COPB2: variants seen among roughly 807,000 people sequenced by gnomAD.
COPB2 encodes the protein coat protein complex I subunit beta 2, also known as coatomer subunit beta'.
A neutral mutation model predicts 120.8 loss-of-function variants in COPB2; 16 were observed. The observed-to-expected ratio is 0.13, with a 90% CI of 0.09 to 0.20. The LOEUF is 0.20. COPB2 is among the 10% of genes least tolerant of loss of function. The probability of loss-of-function intolerance (pLI) is 1.00; values close to 1 mark genes in which losing one functional copy is unlikely to be tolerated. For synonymous variants in COPB2, 332 were observed against 366.3 expected (o/e 0.91, Z 1.07); for missense variants, 794 against 1,076.5 (o/e 0.74, Z 3.67).
chr3:139,364,437 G>C (rs1406982625), intron 15 of COPB2, among the ~76,000 whole-genome samples: 1 of 152,076 alleles, frequency 6.6e-6, no homozygotes, highest in East Asian at 1.9e-4. Context: ...GAGTATCAAA[G>C]GAAGACAGGA....
chr3:139,381,102 T>C (rs1941803608), intron 2 of COPB2: 1 of 152,240 alleles, frequency 6.6e-6, no homozygotes, highest in African/African-American at 2.4e-5. Flanking sequence ...TATCTAATTT[T>C]ATTTTATCTT....
chr3:139,380,821 G>C (rs1405662066), intron 2 of COPB2: 1 of 152,146 alleles, frequency 6.6e-6, no homozygotes, highest in African/African-American at 2.4e-5. Context: ...CAGAAACTGA[G>C]AGTAGACACA....
intron 15 of COPB2, among the ~76,000 whole-genome samples, chr3:139,366,126 A>T (rs1013592995): frequency 6.6e-6 from 1 of 152,220 alleles, no homozygotes; most frequent in Non-Finnish European, 1.5e-5. Context: ...AGCAAAAAGG[A>T]GGGCTGATTT....
intron 6 of COPB2, 88 bp from the exon 7 acceptor site, chr3:139,374,676 T>C: frequency 2.2e-6 from 2 of 929,284 alleles, no homozygotes; most frequent in Non-Finnish European, 3.2e-6. Context: ...AGATACATTA[T>C]AAATGATAGT....
intron 16 of COPB2, 110 bp from the exon 17 acceptor site, chr3:139,361,405 TTAAG>T: frequency 9.3e-7 from 1 of 1,073,486 alleles, no homozygotes; most frequent in Non-Finnish European, 1.3e-6. Flanking sequence ...GCTGTGTTTG[TTAAG>T]TTGGCTCTAT....
intron 14 of COPB2, 87 bp from the exon 15 acceptor site, chr3:139,366,862 C>T (rs190235869): frequency 4.0e-6 from 6 of 1,502,870 alleles, no homozygotes; most frequent in East Asian, 2.3e-5. Context: ...TGCTCAAAAC[C>T]TTCCCATTTG....
chr3:139,386,279 C>CA lies in COPB2; in HGVS notation c.4-2845dup, dbSNP rs1281823202. ...TACTTTCTTGTTTTTTTTTTTGAGA[C>CA]AGAGTCTTGCTCTGTCGCCCAGACT... On this transcript the variant is annotated intron_variant, in intron 1 of 21. Coordinates refer to ENST00000333188, the MANE Select transcript of COPB2 (RefSeq NM_004766.3). Among the ~76,000 whole-genome samples the CA allele has an allele frequency of 3.2e-3, 485 of 151,084 alleles. 4 individuals carry two copies. The highest frequency in any genetic ancestry group is 0.011 in the African/African-American group (470 of 41,208).
At chr3:139,366,482 A>T in intron 15 of COPB2, 86 bp downstream of exon 15, 1 of 1,250,650 alleles carries the variant, frequency 8.0e-7, no homozygotes, top group Non-Finnish European at 1.1e-6. Context: ...GTTGGCAATT[A>T]AGAAATAAAG....
At position 139,378,064 on chromosome 3, in the gene COPB2, C is replaced by T; in HGVS notation, c.481G>A (p.Ala161Thr). Residue 161 changes from alanine (A) to threonine (T), a missense_variant, in exon 5 of 22, where the codon GCC (alanine) becomes ACC (threonine). Transcript: ENST00000333188. Reference sequence around the variant, plus strand: ...ACCTTGATAGTCCTGTCCAAAGAGGCACTGGCAAACTGATTGTTATCTTTG... The same window carrying T: ...ACCTTGATAGTCCTGTCCAAAGAGGTACTGGCAAACTGATTGTTATCTTTG... ...NPKDNNQFAS[A>T]SLDRTIKVWQ... The T allele has an allele frequency of 6.4e-7, 1 of 1,571,006 alleles. No homozygotes were observed. Among genetic ancestry groups the T allele is most frequent in the Non-Finnish European group, 8.7e-7 (1 of 1,149,168 alleles).
In COPB2 at chr3:139,367,030, A is replaced by G. The variant is rs1315089654; in HGVS notation, c.1661T>C (p.Ile554Thr). The change falls in exon 14 of 22, where the codon ATT (isoleucine) becomes ACT (threonine). Residue 554 changes from isoleucine to threonine, a missense_variant. Around this residue, in one of 3 missense-constraint regions of COPB2, gnomAD observed 610 missense variants for 866.7 expected, o/e 0.70. Coordinates refer to ENST00000333188, the MANE Select transcript of COPB2 (RefSeq NM_004766.3). Reference protein sequence around the residue: ...NYYVGGEIVTIAHLDRTMYLL... With the variant: ...NYYVGGEIVTTAHLDRTMYLL... Reference sequence around the variant, plus strand: ...ACTCAGGTACCTGTCCAAGTGGGCAATGGTGACTATTTCTCCTCCAACATA... The same window carrying G: ...ACTCAGGTACCTGTCCAAGTGGGCAGTGGTGACTATTTCTCCTCCAACATA... 3.1e-6 allele frequency: 5 copies of G among 1,612,540 alleles called. No homozygotes were observed. Among genetic ancestry groups the G allele is most frequent in the Admixed American group, 1.7e-5 (1 of 59,686 alleles).
intron 15 of COPB2, among the ~76,000 whole-genome samples, chr3:139,364,409 C>T (rs754969209): frequency 6.6e-6 from 1 of 152,008 alleles, no homozygotes; most frequent in Non-Finnish European, 1.5e-5. Flanking sequence ...TCCAAGCACA[C>T]TTGGAGGAAA....
At chr3:139,360,907 G>A (rs1941407114) in intron 17 of COPB2, among the ~76,000 whole-genome samples, 174 bp downstream of exon 17, 2 of 152,108 alleles carry the variant, frequency 1.3e-5, no homozygotes, top group Admixed American at 1.3e-4. Context: ...ATGTGCTAAG[G>A]GCATCCCTTG....
At chr3:139,388,028 C>T (rs572452343) in intron 1 of COPB2, among the ~76,000 whole-genome samples, 1 of 152,132 alleles carries the variant, frequency 6.6e-6, no homozygotes, top group South Asian at 2.1e-4. Context: ...TTTGTATTTT[C>T]CACAAAGGAT....
In COPB2 at chr3:139,361,073, A is replaced by G. The variant is rs765753032; in HGVS notation, c.2210+8T>C. Reference sequence around the variant, plus strand: ...TAGAATTAATTAATCTTTTAAATTAATACTCACTTGCCCTGTAAAAAGTAG... The same window carrying G: ...TAGAATTAATTAATCTTTTAAATTAGTACTCACTTGCCCTGTAAAAAGTAG... On this transcript the variant is annotated splice_region_variant and intron_variant, in intron 17 of 21. Transcript: ENST00000333188. 1 of 1,613,606 alleles carries G rather than the reference A, an allele frequency of 6.2e-7. No individual in the cohort carries two copies. Among genetic ancestry groups the G allele is most frequent in the South Asian group, 1.1e-5 (1 of 91,032 alleles).
At chr3:139,366,063 T>C (rs1249694189) in intron 15 of COPB2, among the ~76,000 whole-genome samples, 2 of 152,142 alleles carry the variant, frequency 1.3e-5, no homozygotes, top group Non-Finnish European at 2.9e-5. Flanking sequence ...TTTAGAGATA[T>C]GGAAATAAAT....
chr3:139,371,469 T>A (rs532875958), intron 10 of COPB2, among the ~76,000 whole-genome samples: 59 of 152,184 alleles, frequency 3.9e-4, no homozygotes, highest in Admixed American at 6.5e-4. Context: ...ATCAAAGAAA[T>A]GGGTGCTGGG....
intron 13 of COPB2, among the ~76,000 whole-genome samples, chr3:139,367,914 G>A (rs1410759566): frequency 6.6e-6 from 1 of 152,136 alleles, no homozygotes; most frequent in East Asian, 1.9e-4. Flanking sequence ...AGATATCAAA[G>A]TAAGTCTAAA....
Position 139,369,263 on chromosome 3 carries a change from G to T in COPB2, c.1399C>A (p.His467Asn), listed in dbSNP as rs765470122. 1.2e-6 allele frequency: 2 copies of T among 1,604,870 alleles called. No individual in the cohort carries two copies. ...LIRRIEIQPKHIFWSDSGELV... is the reference protein window; with the variant it reads ...LIRRIEIQPKNIFWSDSGELV... ...ACAACAATGGAGGGGAAACTCACAT[G>T]TTTGGGCTGAATTTCAATTCTTCGT... The change falls in exon 12 of 22, where the codon CAT becomes AAT. Residue 467 changes from histidine (H) to asparagine (N), a missense_variant and splice_region_variant. By Grantham distance (68) the His-to-Asn change is moderately conservative. Transcript: ENST00000333188.
chr3:139,389,478 C>T, intron 1 of COPB2, 70 bp downstream of exon 1: 1 of 1,479,500 alleles, frequency 6.8e-7, no homozygotes, highest in Non-Finnish European at 9.1e-7. Context: ...CCGCGGCCCT[C>T]AGTCCAGAAG....
Sources: gnomAD v4.1 joint callset for allele counts (sites outside exome capture counted in the v4.1 genomes callset) on GRCh38, gnomAD v4.1.1 for gene constraint, gnomAD v4.1.1 regional missense constraint, MANE v1.5 for transcripts, NCBI Gene and HGNC (gene_info 2026-07-23, HGNC 2026-07-21) for gene names.